Variants in DPP4 observed in about 807,000 individuals in gnomAD.
The protein encoded by DPP4 is ADCP-2.
A neutral mutation model predicts 122.4 loss-of-function variants in DPP4; 93 were observed. The observed-to-expected ratio is 0.76, with a 90% CI of 0.64 to 0.90. DPP4 has a LOEUF of 0.90. Ranked by LOEUF, DPP4 falls within the 40% of genes least tolerant of loss-of-function variation. The pLI is 0.00. For missense variants in DPP4, 914 were observed against 907.3 expected (o/e 1.01, Z -0.09); for synonymous variants, 321 against 302.9 (o/e 1.06, Z -0.62).
chr2:162,034,923 C>T (rs562054753), intron 9 of DPP4, among the ~76,000 whole-genome samples: 1 of 152,174 alleles, frequency 6.6e-6, no homozygotes, highest in South Asian at 2.1e-4. Context: ...AAGCATTTTC[C>T]CCATTTTTTC....
chr2:162,039,264 G>T, intron 5 of DPP4, 80 bp from the exon 6 acceptor site: 1 of 1,130,714 alleles, frequency 8.8e-7, no homozygotes, highest in Non-Finnish European at 1.3e-6. Context: ...AAGATGATAG[G>T]TTTGGTAATA....
intron 9 of DPP4, among the ~76,000 whole-genome samples, chr2:162,033,872 A>G (rs1481242647): frequency 7.6e-6 from 1 of 131,674 alleles, no homozygotes; most frequent in Non-Finnish European, 1.5e-5. Flanking sequence ...GTATATATAT[A>G]TATATATATA....
At chr2:162,065,683 G>A (rs1390532899) in intron 2 of DPP4, among the ~76,000 whole-genome samples, 1 of 152,112 alleles carries the variant, frequency 6.6e-6, no homozygotes, top group Non-Finnish European at 1.5e-5. Flanking sequence ...CTGAAGGATT[G>A]GAAGGATAAT....
chr2:162,005,950 G>A, intron 22 of DPP4, 141 bp from the exon 23 acceptor site: 4 of 722,644 alleles, frequency 5.5e-6, no homozygotes, highest in Non-Finnish European at 9.0e-6. Flanking sequence ...ATCTCTATGT[G>A]GTTATGAAGA....
intron 2 of DPP4, among the ~76,000 whole-genome samples, chr2:162,067,587 T>C (rs1048446395): frequency 3.9e-5 from 6 of 152,176 alleles, no homozygotes; most frequent in African/African-American, 1.4e-4. Context: ...AGAAAGCACA[T>C]AGTTTATCTT....
intron 2 of DPP4, among the ~76,000 whole-genome samples, chr2:162,048,711 T>C (rs1684275169): frequency 6.6e-6 from 1 of 152,186 alleles, no homozygotes; most frequent in Non-Finnish European, 1.5e-5. Context: ...TCATGAAGAC[T>C]AGTTCTGCCC....
intron 16 of DPP4, 149 bp downstream of exon 16, chr2:162,018,580 G>T (rs1166988316): frequency 9.7e-7 from 1 of 1,027,404 alleles, no homozygotes; most frequent in Non-Finnish European, 1.4e-6. Context: ...GGGAAGAAAA[G>T]ATTGTTTATG....
chr2:162,073,519 G>C, intron 1 of DPP4, 33 bp from the exon 2 acceptor site: 1 of 1,604,104 alleles, frequency 6.2e-7, no homozygotes, highest in Non-Finnish European at 8.5e-7. Context: ...CCAATTAGAG[G>C]GAAGCGTGTG....
chr2:162,014,410 A>C lies in DPP4; in HGVS notation c.1623T>G (p.Pro541=). Reference sequence around the variant, plus strand: ...TGAATACTTACACATCTAATAGTAGAGGATATTTCTTGGATTTATCAAAAT... The same window carrying C: ...TGAATACTTACACATCTAATAGTAGCGGATATTTCTTGGATTTATCAAAAT... ...PPHFDKSKKY[P]LLLDVYAGPC... The change falls in exon 19 of 26, where the codon CCT becomes CCG. Residue 541 remains proline, a synonymous_variant. Transcript: ENST00000360534. 1 of 1,607,508 alleles carries C rather than the reference A, an allele frequency of 6.2e-7. No homozygotes were observed. The highest frequency in any genetic ancestry group is 8.5e-7 in the Non-Finnish European group (1 of 1,175,982).
At chr2:162,065,253 C>T (rs529857773) in intron 2 of DPP4, among the ~76,000 whole-genome samples, 25 of 152,314 alleles carry the variant, frequency 1.6e-4, no homozygotes, top group African/African-American at 5.8e-4. Flanking sequence ...GTTTTCCTCC[C>T]TGATACAGCA....
Position 162,018,819 on chromosome 2 carries a change from A to T in DPP4, c.1330T>A (p.Cys444Ser). Residue 444 changes from cysteine (C) to serine (S), a missense_variant, in exon 16 of 26, where the codon TGC (cysteine) becomes AGC (serine). Coordinates refer to ENST00000360534, the MANE Select transcript of DPP4 (RefSeq NM_001935.4). Reference protein sequence around the residue: ...IQLSDYTKVTCLSCELNPERC... With the variant: ...IQLSDYTKVTSLSCELNPERC... ...TCCGGATTCAGCTCACAACTGAGGC[A>T]TGTCACTTTTGTATAGTCACTAAGT... 1 of 1,614,206 alleles carries T rather than the reference A, an allele frequency of 6.2e-7. No individual in the cohort carries two copies. The highest frequency in any genetic ancestry group is 2.2e-5 in the East Asian group (1 of 44,876).
intron 12 of DPP4, among the ~76,000 whole-genome samples, chr2:162,021,203 G>C (rs886667381): frequency 4.6e-5 from 7 of 151,828 alleles, no homozygotes; most frequent in African/African-American, 1.5e-4. Context: ...ACCATTTCTG[G>C]ACTACATACT....
chr2:162,065,316 G>A (rs1224527018), intron 2 of DPP4, among the ~76,000 whole-genome samples: 1 of 152,222 alleles, frequency 6.6e-6, no homozygotes, highest in East Asian at 1.9e-4. Flanking sequence ...AGCTGTATGA[G>A]CAAGTGCTGG....
At chr2:162,064,935 G>A (rs1316343577) in intron 2 of DPP4, among the ~76,000 whole-genome samples, 1 of 152,176 alleles carries the variant, frequency 6.6e-6, no homozygotes, top group African/African-American at 2.4e-5. Flanking sequence ...CTCTTTTGTT[G>A]AAAAATTAAA....
chr2:162,043,519 C>T (rs747560690), intron 5 of DPP4, among the ~76,000 whole-genome samples: 2 of 152,180 alleles, frequency 1.3e-5, no homozygotes, highest in Admixed American at 6.5e-5. Flanking sequence ...AAATACAAAT[C>T]TCCAACCGTG....
intron 2 of DPP4, among the ~76,000 whole-genome samples, chr2:162,060,075 C>A (rs1684711835): frequency 6.6e-6 from 1 of 152,154 alleles, no homozygotes; most frequent in African/African-American, 2.4e-5. Context: ...TTGGACCAGG[C>A]AATATGGCGC....
chr2:162,044,788 T>C (rs1446069444), intron 5 of DPP4, among the ~76,000 whole-genome samples: 1 of 152,098 alleles, frequency 6.6e-6, no homozygotes, highest in Non-Finnish European at 1.5e-5. Flanking sequence ...GCTGGGTAAC[T>C]GGGGAAAGCT....
At chr2:162,009,513 TTGTGTGTGTGTGTG>T (rs57878632) in intron 20 of DPP4, among the ~76,000 whole-genome samples, 9 of 144,382 alleles carry the variant, frequency 6.2e-5, no homozygotes, top group Middle Eastern at 3.4e-3. Flanking sequence ...TTCATAAAAA[TTGTGTGTGTGTGTG>T]TGTGTGTGTG....
At chr2:162,057,248 C>A (rs968066464) in intron 2 of DPP4, among the ~76,000 whole-genome samples, 1 of 152,168 alleles carries the variant, frequency 6.6e-6, no homozygotes, top group African/African-American at 2.4e-5. Context: ...GCAAGAAGAA[C>A]CTGTCAGACT....
Sources: allele counts gnomAD v4.1 joint callset (sites outside exome capture counted in the v4.1 genomes callset), GRCh38; gene constraint gnomAD v4.1.1; transcripts MANE v1.5; gene names NCBI Gene and HGNC (gene_info 2026-07-23, HGNC 2026-07-21).